Variants in SIGLEC5 observed in about 807,000 individuals in gnomAD.
SIGLEC5 encodes sialic acid-binding Ig-like lectin 5.
Under a neutral mutation model 45.9 loss-of-function variants are expected in SIGLEC5, and 34 were observed. The observed-to-expected ratio is 0.74, with a 90% CI of 0.56 to 0.99. The LOEUF is 0.99. SIGLEC5 is among the 50% of genes least tolerant of loss of function. SIGLEC5 has a pLI of 0.00. For missense variants in SIGLEC5, 508 were observed against 629.6 expected (o/e 0.81, Z 2.07); for synonymous variants, 203 against 258.6 (o/e 0.79, Z 2.06).
At chr19:51,615,031 C>T (rs1983003183) in intron 8 of SIGLEC5, among the ~76,000 whole-genome samples, 1 of 152,196 alleles carries the variant, frequency 6.6e-6, no homozygotes, top group Non-Finnish European at 1.5e-5. Context: ...GAATCTAGAA[C>T]CTGAATGCAG....
intron 8 of SIGLEC5, among the ~76,000 whole-genome samples, chr19:51,622,670 T>C (rs576618726): frequency 6.6e-6 from 1 of 152,324 alleles, no homozygotes; most frequent in African/African-American, 2.4e-5. Flanking sequence ...AGAATTGGCA[T>C]GTTGCTCAAT....
At chr19:51,617,284 AT>A (rs1314708170) in intron 8 of SIGLEC5, among the ~76,000 whole-genome samples, 5 of 151,878 alleles carry the variant, frequency 3.3e-5, no homozygotes, top group Admixed American at 3.3e-4. Context: ...AAAAGGAAAA[AT>A]ATTTGAAAAA....
rs992459941 is a variant in SIGLEC5 at position 51,627,917 on chromosome 19, C to T, written c.914G>A (p.Arg305Lys). 1.1e-5 allele frequency: 17 copies of T among 1,613,980 alleles called. No individual in the cohort carries two copies. The highest frequency in any genetic ancestry group is 1.3e-5 in the Non-Finnish European group (15 of 1,179,986). ...NTGILELRRV[R>K]SAEEGGFTCR... ...GGTGAAGCCTCCTTCTTCTGCAGAC[C>T]TTACTCGACGAAGCTCCAAGATCCC... Residue 305 changes from arginine to lysine, a missense_variant, in exon 5 of 9, where the codon AGG (arginine) becomes AAG (lysine). Transcript: ENST00000683636.
At chr19:51,625,009 G>A (rs150538751) in intron 8 of SIGLEC5, among the ~76,000 whole-genome samples, 27 of 152,154 alleles carry the variant, frequency 1.8e-4, no homozygotes, top group Admixed American at 8.5e-4. Flanking sequence ...TGATGAGTGG[G>A]TGGAGACAGG....
intron 7 of SIGLEC5, among the ~76,000 whole-genome samples, chr19:51,626,895 T>TTTTTG (rs58875618): frequency 0.13 from 19,886 of 151,922 alleles, 1,475 homozygotes; most frequent in African/African-American, 0.18. Context: ...TCAGTTCTGC[T>TTTTTG]TTTTGTTTTG....
In SIGLEC5 at chr19:51,627,701, C is replaced by T. The variant is rs781270936; in HGVS notation, c.1043G>A (p.Gly348Asp). Residue 348 changes from glycine (G) to aspartate (D), a missense_variant, in exon 6 of 9, where the codon GGT (glycine) becomes GAT (aspartate). Gly to Asp is a moderately conservative substitution (Grantham distance 94). Coordinates refer to ENST00000683636, the MANE Select transcript of SIGLEC5 (RefSeq NM_003830.4). ...TCGAAAGGAGCATCTGCAGTGCAGA[C>T]CCTCAGCCTCCCAGGAGCAGGAGGG... ...LGPSCSWEAE[G>D]LHCRCSFRAR... The T allele has an allele frequency of 1.2e-6, 2 of 1,602,252 alleles. No homozygotes were observed. The highest frequency in any genetic ancestry group is 1.7e-6 in the Non-Finnish European group (2 of 1,173,330).
Position 51,629,018 on chromosome 19 carries a change from A to T in SIGLEC5, c.739+20T>A. ...AGACCCAGAGGCAGGTCCCAGCTTCAGAGAGGAGGTCTTTCCTACCTATGC... is the reference window on the plus strand; with the variant it reads ...AGACCCAGAGGCAGGTCCCAGCTTCTGAGAGGAGGTCTTTCCTACCTATGC... On this transcript the variant is annotated intron_variant, in intron 4 of 8. Transcript: ENST00000683636. The T allele has an allele frequency of 6.2e-7, 1 of 1,611,626 alleles. No homozygotes were observed. Among genetic ancestry groups the T allele is most frequent in the Middle Eastern group, 1.7e-4 (1 of 6,050 alleles).
At chr19:51,617,502 G>A (rs1018390386) in intron 8 of SIGLEC5, among the ~76,000 whole-genome samples, 15 of 152,158 alleles carry the variant, frequency 9.9e-5, no homozygotes, top group Admixed American at 3.3e-4. Flanking sequence ...TAAGAATGAC[G>A]TAAGATGTCT....
intron 8 of SIGLEC5, 94 bp from the exon 9 acceptor site, chr19:51,612,516 T>G: frequency 1.1e-6 from 1 of 950,708 alleles, no homozygotes. Flanking sequence ...TTGGGATTTA[T>G]TTTGAATGTA....
chr19:51,627,532 G>A lies in SIGLEC5; in HGVS notation c.1212C>T (p.Ser404=), dbSNP rs202043727. 4.3e-5 allele frequency: 69 copies of A among 1,614,086 alleles called. No individual in the cohort carries two copies. The highest frequency in any genetic ancestry group is 5.5e-5 in the South Asian group (5 of 91,082). ...AGGCCTTGCAGCTGACTTTGAGGTC[G>A]GAGCTGAGCCCCCCGTGGAGGATCA... ...SSLILHGGLS[S]DLKVSCKAWN... Residue 404 remains serine, a synonymous_variant, in exon 6 of 9, where the codon TCC becomes TCT. Coordinates refer to ENST00000683636, the MANE Select transcript of SIGLEC5 (RefSeq NM_003830.4).
intron 8 of SIGLEC5, among the ~76,000 whole-genome samples, chr19:51,615,889 G>A (rs1983035615): frequency 6.6e-6 from 1 of 152,178 alleles, no homozygotes; most frequent in South Asian, 2.1e-4. Context: ...AGATTCCCCT[G>A]CCTCAGCCTC....
intron 8 of SIGLEC5, among the ~76,000 whole-genome samples, chr19:51,622,377 G>A (rs1401921699): frequency 6.6e-6 from 1 of 150,604 alleles, no homozygotes; most frequent in African/African-American, 2.5e-5. Flanking sequence ...CTGACCTCGT[G>A]ATCCACCCAC....
intron 8 of SIGLEC5, among the ~76,000 whole-genome samples, chr19:51,624,728 G>T (rs913029642): frequency 5.9e-5 from 9 of 152,130 alleles, no homozygotes; most frequent in African/African-American, 2.2e-4. Context: ...CAGCACTTTG[G>T]GAGGCTGAGG....
At chr19:51,617,715 A>G in intron 8 of SIGLEC5, among the ~76,000 whole-genome samples, 1 of 152,150 alleles carries the variant, frequency 6.6e-6, no homozygotes, top group East Asian at 1.9e-4. Flanking sequence ...ATAAAAAGAG[A>G]GAAAGAGAAA....
intron 7 of SIGLEC5, among the ~76,000 whole-genome samples, 189 bp from the exon 8 acceptor site, chr19:51,626,302 G>T (rs547807839): frequency 2.6e-5 from 4 of 152,218 alleles, no homozygotes; most frequent in Admixed American, 6.5e-5. Context: ...GGTCAGGGTG[G>T]CCATGGACTG....
intron 4 of SIGLEC5, 126 bp downstream of exon 4, chr19:51,628,912 C>G (rs1983618153): frequency 1.0e-6 from 1 of 952,762 alleles, no homozygotes. Context: ...AAGGTGGAAG[C>G]CAGAAGGCAG....
intron 8 of SIGLEC5, among the ~76,000 whole-genome samples, chr19:51,612,847 T>C (rs1982909492): frequency 6.6e-6 from 1 of 152,118 alleles, no homozygotes; most frequent in South Asian, 2.1e-4. Flanking sequence ...TGCCCTGGAC[T>C]CTAATTAAGG....
intron 8 of SIGLEC5, among the ~76,000 whole-genome samples, chr19:51,624,478 A>G (rs1246752134): frequency 2.0e-5 from 3 of 152,156 alleles, no homozygotes; most frequent in Non-Finnish European, 2.9e-5. Context: ...CATATTATGA[A>G]CCAAAGTGAA....
At chr19:51,619,928 A>C (rs1307705456) in intron 8 of SIGLEC5, among the ~76,000 whole-genome samples, 1 of 152,088 alleles carries the variant, frequency 6.6e-6, no homozygotes, top group African/African-American at 2.4e-5. Context: ...AGCAATTAAC[A>C]AGATTTAGCT....
Sources: allele counts gnomAD v4.1 joint callset (sites outside exome capture counted in the v4.1 genomes callset), GRCh38; gene constraint gnomAD v4.1.1; transcripts MANE v1.5; gene names NCBI Gene and HGNC (gene_info 2026-07-23, HGNC 2026-07-21).